The following GLI2 variants were observed in gnomAD, a reference collection of about 807,000 sequenced individuals.
The protein encoded by GLI2 is GLI family zinc finger 2.
Under a neutral mutation model 78.9 loss-of-function variants are expected in GLI2, and 22 were observed. That is an observed-to-expected ratio of 0.28 (90% CI 0.20 to 0.40). The LOEUF (loss-of-function observed/expected upper bound fraction) is 0.40, where lower values mean the gene tolerates loss of function less well. GLI2 is among the 10% of genes least tolerant of loss of function. GLI2 has a pLI of 1.00. For missense variants in GLI2, 2,097 were observed against 2,213.2 expected (o/e 0.95, Z 1.05); for synonymous variants, 974 against 963.7 (o/e 1.01, Z -0.20).
In GLI2 at chr2:120,955,272, G is replaced by A; in HGVS notation, c.485G>A (p.Gly162Glu). ...DVAQEHLKERGLFGLPAPGTT... is the reference protein window; with the variant it reads ...DVAQEHLKERELFGLPAPGTT... ...GCCCAGGAGCACCTTAAGGAGAGGG[G>A]ACTGTTTGGCCTTCCTGCTCCAGGC... The change falls in exon 5 of 14, where the codon GGA becomes GAA. Residue 162 changes from glycine (G) to glutamate (E), a missense_variant. Coordinates refer to ENST00000361492, the MANE Select transcript of GLI2 (RefSeq NM_001374353.1). 1 of 1,610,446 alleles carries A rather than the reference G, an allele frequency of 6.2e-7. No individual in the cohort carries two copies. Among genetic ancestry groups the A allele is most frequent in the Non-Finnish European group, 8.5e-7 (1 of 1,178,770 alleles).
intron 2 of GLI2, among the ~76,000 whole-genome samples, chr2:120,865,891 TG>T (rs1688107848): frequency 6.6e-6 from 1 of 152,210 alleles, no homozygotes; most frequent in Non-Finnish European, 1.5e-5. Context: ...TCTCTGGACC[TG>T]GCACCCCCCC....
At chr2:120,909,575 C>T (rs546452938) in intron 2 of GLI2, among the ~76,000 whole-genome samples, 35 of 152,280 alleles carry the variant, frequency 2.3e-4, no homozygotes, top group African/African-American at 7.5e-4. Flanking sequence ...CATTTATAAA[C>T]CCACTTTAGG....
At position 120,806,499 on chromosome 2, in the gene GLI2, G is replaced by A. The variant is rs919836176; in HGVS notation, c.148+9031G>A. Among the ~76,000 whole-genome samples, 6 of 152,296 alleles carry A rather than the reference G, an allele frequency of 3.9e-5. No homozygotes were observed. The East Asian group carries it at 1.2e-3, about 29-fold the overall frequency. On this transcript the variant is annotated intron_variant, in intron 2 of 13. Transcript: ENST00000361492. ...TTCGGGGTTCCACCAGGTGGAAAGA[G>A]GAAAGGGTGGGTGGGCCCTGGTGGG... is the stretch of plus-strand genomic sequence containing the variant.
In GLI2 at chr2:120,975,026, G is replaced by A. The variant is rs1454910951; in HGVS notation, c.1234G>A (p.Glu412Lys). The A allele has an allele frequency of 6.2e-7, 1 of 1,614,162 alleles. No homozygotes were observed. The highest frequency in any genetic ancestry group is 1.7e-5 in the Admixed American group (1 of 60,030). ...TCTGGACAGGGATGACTGTAAGCAG[G>A]AGGCTGAGGTGGTCATCTATGAGAC... is the stretch of plus-strand genomic sequence containing the variant. ...EDLDRDDCKQ[E>K]AEVVIYETNC... Residue 412 changes from glutamate (E) to lysine (K), a missense_variant, in exon 9 of 14, where the codon GAG becomes AAG. Around this residue, in one of 5 missense-constraint regions of GLI2, gnomAD observed 578 missense variants for 612.0 expected, o/e 0.94. Transcript: ENST00000361492.
At chr2:120,752,657 C>A (rs1682915015) in intron 1 of GLI2, among the ~76,000 whole-genome samples, 1 of 152,184 alleles carries the variant, frequency 6.6e-6, no homozygotes. Context: ...GTTATACATA[C>A]ATTATAAAGT....
chr2:120,833,266 A>G (rs993974830), intron 2 of GLI2, among the ~76,000 whole-genome samples: 1 of 151,294 alleles, frequency 6.6e-6, no homozygotes, highest in African/African-American at 2.4e-5. Context: ...CAGAGGCAGT[A>G]TAGCTGGGGG....
chr2:120,932,674 G>A (rs756781904), intron 3 of GLI2, among the ~76,000 whole-genome samples: 3 of 152,240 alleles, frequency 2.0e-5, no homozygotes, highest in Non-Finnish European at 4.4e-5. Context: ...GAGTTATTTT[G>A]AGAAGGAGAC....
Position 120,988,646 on chromosome 2 carries a change from T to A in GLI2, c.2681T>A (p.Met894Lys). The change falls in exon 14 of 14, where the codon ATG becomes AAG. Residue 894 changes from methionine to lysine, a missense_variant. Met to Lys is a moderately conservative substitution (Grantham distance 95). This residue lies in a region of GLI2 where 1,290 missense variants were observed against 1,261.7 expected (regional missense o/e 1.02). Coordinates refer to ENST00000361492, the MANE Select transcript of GLI2 (RefSeq NM_001374353.1). ...ACTCCGCTGCCGGGCCTGGAGCGCA[T>A]GAGCCTGCGGACCAGGCTGGCGCTG... ...PPTPLPGLERMSLRTRLALLD... is the reference protein window; with the variant it reads ...PPTPLPGLERKSLRTRLALLD... 7.0e-7 allele frequency: 1 copy of A among 1,429,612 alleles called. No individual in the cohort carries two copies. Among genetic ancestry groups the A allele is most frequent in the Non-Finnish European group, 9.1e-7 (1 of 1,095,862 alleles). The allele number at this position is 1,429,612 out of a possible 1,614,324, so 88.6% of individuals were successfully genotyped here.
Position 120,968,782 on chromosome 2 carries a change from C to A in GLI2, c.712C>A (p.Leu238Ile). 2 of 1,613,758 alleles carry A rather than the reference C, an allele frequency of 1.2e-6. No individual in the cohort carries two copies. The highest frequency in any genetic ancestry group is 1.7e-6 in the Non-Finnish European group (2 of 1,179,938). ...SRKRALSISP[L>I]SDASLDLQRM... is the part of the protein sequence containing the mutation. Reference sequence around the variant, plus strand: ...CAAGCGGGCGCTGTCCATCTCCCCACTCTCAGACGCCAGCCTGGACCTGCA... The same window carrying A: ...CAAGCGGGCGCTGTCCATCTCCCCAATCTCAGACGCCAGCCTGGACCTGCA... The change falls in exon 6 of 14, where the codon CTC (leucine) becomes ATC (isoleucine). Residue 238 changes from leucine to isoleucine, a missense_variant. This residue lies in a region of GLI2 where 578 missense variants were observed against 612.0 expected (regional missense o/e 0.94). Coordinates refer to ENST00000361492, the MANE Select transcript of GLI2 (RefSeq NM_001374353.1).
intron 2 of GLI2, among the ~76,000 whole-genome samples, chr2:120,853,179 C>T (rs1308944212): frequency 6.6e-6 from 1 of 152,044 alleles, no homozygotes; most frequent in Non-Finnish European, 1.5e-5. Flanking sequence ...GGTCTAGGTT[C>T]AGCTGAGGCT....
At position 120,968,775 on chromosome 2, in the gene GLI2, C is replaced by A. The variant is rs942284746; in HGVS notation, c.705C>A (p.Ile235=). ...PRLSRKRALS[I]SPLSDASLDL... ...TGAGCCGCAAGCGGGCGCTGTCCAT[C>A]TCCCCACTCTCAGACGCCAGCCTGG... The change falls in exon 6 of 14, where the codon ATC becomes ATA. Residue 235 remains isoleucine, a synonymous_variant. Coordinates refer to ENST00000361492, the MANE Select transcript of GLI2 (RefSeq NM_001374353.1). 19 of 1,613,702 alleles carry A rather than the reference C, an allele frequency of 1.2e-5. No individual in the cohort carries two copies. The highest frequency in any genetic ancestry group is 1.5e-5 in the Non-Finnish European group (18 of 1,179,924).
intron 2 of GLI2, among the ~76,000 whole-genome samples, chr2:120,858,097 A>G (rs1218220513): frequency 3.3e-5 from 5 of 152,150 alleles, no homozygotes; most frequent in Admixed American, 2.0e-4. Context: ...ACGTTAGGTG[A>G]ACACCTGCTG....
chr2:120,838,242 A>G (rs894157354), intron 2 of GLI2, among the ~76,000 whole-genome samples: 3 of 152,112 alleles, frequency 2.0e-5, no homozygotes, highest in Non-Finnish European at 2.9e-5. Context: ...GCTGCTGTAA[A>G]TGTTATATAT....
At chr2:120,957,129 G>C (rs928032500) in intron 5 of GLI2, among the ~76,000 whole-genome samples, 1 of 152,072 alleles carries the variant, frequency 6.6e-6, no homozygotes, top group African/African-American at 2.4e-5. Context: ...AGAAGAGGGC[G>C]GCCAACCTCC....
intron 1 of GLI2, among the ~76,000 whole-genome samples, chr2:120,795,141 G>T (rs1010181130): frequency 6.6e-6 from 1 of 152,224 alleles, no homozygotes; most frequent in Non-Finnish European, 1.5e-5. Context: ...AGGATCCCTT[G>T]AGCCCAGGAG....
chr2:120,971,992 A>T lies in GLI2; in HGVS notation c.1111A>T (p.Ile371Phe). ...AVSSTVNPVA[I>F]HKRSKVKTEP... ...CAGCAGCACCGTCAACCCTGTCGCC[A>T]TTCACAAGCGCAGCAAGGTCAAGAC... The change falls in exon 8 of 14, where the codon ATT becomes TTT. Residue 371 changes from isoleucine (I) to phenylalanine (F), a missense_variant. Physicochemically the swap from Ile to Phe is conservative, Grantham distance 21. This residue lies in a region of GLI2 where 578 missense variants were observed against 612.0 expected (regional missense o/e 0.94). Transcript: ENST00000361492. 6.2e-7 allele frequency: 1 copy of T among 1,613,706 alleles called. No individual in the cohort carries two copies. Among genetic ancestry groups the T allele is most frequent in the Non-Finnish European group, 8.5e-7 (1 of 1,179,910 alleles).
At chr2:120,963,888 A>C (rs551936613) in intron 5 of GLI2, among the ~76,000 whole-genome samples, 1 of 152,236 alleles carries the variant, frequency 6.6e-6, no homozygotes. Context: ...GTCCTAGCGC[A>C]TGCGATGATA....
chr2:120,986,237 A>G lies in GLI2; in HGVS notation c.1906-41A>G, dbSNP rs760811538. ...TAGAGGCAGGACCAGGTGGAATCTG[A>G]TACCCTCTGAGTCTGAGCCTTCTTG... On this transcript the variant is annotated intron_variant, in intron 12 of 13. Transcript: ENST00000361492. 3.2e-6 allele frequency: 5 copies of G among 1,573,588 alleles called. No individual in the cohort carries two copies. In the East Asian group the frequency reaches 1.1e-4, roughly 35 times the overall value.
At chr2:120,813,446 A>G (rs1249064375) in intron 2 of GLI2, among the ~76,000 whole-genome samples, 5 of 152,174 alleles carry the variant, frequency 3.3e-5, no homozygotes, top group Non-Finnish European at 5.9e-5. Context: ...GCACAGAGGA[A>G]CAGCCTGATC....
Sources: gnomAD v4.1 joint callset for allele counts (sites outside exome capture counted in the v4.1 genomes callset) on GRCh38, gnomAD v4.1.1 for gene constraint, gnomAD v4.1.1 regional missense constraint, MANE v1.5 for transcripts, NCBI Gene and HGNC (gene_info 2026-07-23, HGNC 2026-07-21) for gene names.